The following CNTNAP2 variants were observed in gnomAD, a reference collection of about 807,000 sequenced individuals.
CNTNAP2 encodes the protein contactin-associated protein-like 2.
CNTNAP2 carries 98 observed loss-of-function variants against 155.2 expected under a neutral mutation model. The observed-to-expected ratio is 0.63, with a 90% CI of 0.54 to 0.75. The LOEUF (loss-of-function observed/expected upper bound fraction) is 0.75, where lower values mean the gene tolerates loss of function less well. Among genes scored for constraint, CNTNAP2 ranks in the 30% least tolerant of loss-of-function variants. CNTNAP2 has a pLI of 0.00. For missense variants in CNTNAP2, 1,727 were observed against 1,688.1 expected (o/e 1.02, Z -0.40); for synonymous variants, 651 against 631.2 (o/e 1.03, Z -0.47).
chr7:148,169,191 A>C (rs1805729490), intron 17 of CNTNAP2, among the ~76,000 whole-genome samples: 1 of 152,218 alleles, frequency 6.6e-6, no homozygotes, highest in Non-Finnish European at 1.5e-5. Flanking sequence ...AGAAAAGGGA[A>C]AACATTAAAA....
At chr7:147,931,044 C>A (rs200203862) in intron 14 of CNTNAP2, among the ~76,000 whole-genome samples, 1 of 151,598 alleles carries the variant, frequency 6.6e-6, no homozygotes, top group Non-Finnish European at 1.5e-5. Flanking sequence ...ACAGCAAAAG[C>A]AATTTTGAAA....
chr7:146,631,781 T>A (rs1799514508), intron 1 of CNTNAP2, among the ~76,000 whole-genome samples: 1 of 152,178 alleles, frequency 6.6e-6, no homozygotes, highest in African/African-American at 2.4e-5. Flanking sequence ...GGTATTTTTT[T>A]AAGAATCTCT....
intron 3 of CNTNAP2, among the ~76,000 whole-genome samples, chr7:147,037,190 A>C (rs1283518984): frequency 6.6e-6 from 1 of 152,144 alleles, no homozygotes; most frequent in Non-Finnish European, 1.5e-5. Context: ...TGAACACTAT[A>C]TTAGATGTAC....
In CNTNAP2 at chr7:146,842,539, T is replaced by A. The variant is rs144400884; in HGVS notation, c.402+2635T>A. Among the ~76,000 whole-genome samples, 192 of 151,306 alleles carry A rather than the reference T, an allele frequency of 1.3e-3. 1 individual carries two copies. The highest frequency in any genetic ancestry group is 2.4e-3 in the Admixed American group (37 of 15,240). ...ACTGGGTAATTTACGAAGAAAAGAG[T>A]TTTGATTGACTCACGTTTCCACAGG... is the stretch of plus-strand genomic sequence containing the variant. On this transcript the variant is annotated intron_variant, in intron 3 of 23. Transcript: ENST00000361727.
At chr7:146,552,775 C>G (rs1798141460) in intron 1 of CNTNAP2, among the ~76,000 whole-genome samples, 2 of 152,030 alleles carry the variant, frequency 1.3e-5, no homozygotes, top group South Asian at 2.1e-4. Context: ...CACATGGTCC[C>G]CTTGCTTTAT....
chr7:146,764,167 A>G (rs1370394135), intron 1 of CNTNAP2, among the ~76,000 whole-genome samples: 3 of 152,308 alleles, frequency 2.0e-5, no homozygotes, highest in South Asian at 4.1e-4. Context: ...TTGTCAATCA[A>G]AGCTTTAAGA....
At chr7:147,601,765 T>C (rs1215254533) in intron 12 of CNTNAP2, among the ~76,000 whole-genome samples, 1 of 151,610 alleles carries the variant, frequency 6.6e-6, no homozygotes, top group Non-Finnish European at 1.5e-5. Context: ...CTAATTGTCC[T>C]GTAATTTTTT....
chr7:148,201,645 A>G (rs989577360), intron 18 of CNTNAP2, among the ~76,000 whole-genome samples: 1 of 152,118 alleles, frequency 6.6e-6, no homozygotes, highest in African/African-American at 2.4e-5. Flanking sequence ...CCAGTTTTGT[A>G]TGCAACTAAA....
intron 14 of CNTNAP2, among the ~76,000 whole-genome samples, chr7:147,976,031 T>TA (rs397779989): frequency 6.6e-6 from 1 of 152,204 alleles, no homozygotes; most frequent in African/African-American, 2.4e-5. Context: ...TACATTTTTT[T>TA]AAATGGCTGT....
At chr7:146,600,391 T>G (rs893080503) in intron 1 of CNTNAP2, among the ~76,000 whole-genome samples, 1 of 152,182 alleles carries the variant, frequency 6.6e-6, no homozygotes, top group Non-Finnish European at 1.5e-5. Flanking sequence ...AAATAGTTAA[T>G]AATAAATACT....
At position 146,554,354 on chromosome 7, in the gene CNTNAP2, A is replaced by G. The variant is rs73164082; in HGVS notation, c.98-219917A>G. Among the ~76,000 whole-genome samples the G allele has an allele frequency of 5.3e-3, 810 of 152,308 alleles. 7 individuals carry two copies. The highest frequency in any genetic ancestry group is 0.02 in the East Asian group (101 of 5,174). ...AGATTGGGTTCATGTGGATTTCAAA[A>G]TAAGTTGTCTTAAAAATATTTTGCT... On this transcript the variant is annotated intron_variant, in intron 1 of 23. Coordinates refer to ENST00000361727, the MANE Select transcript of CNTNAP2 (RefSeq NM_014141.6).
intron 13 of CNTNAP2, among the ~76,000 whole-genome samples, chr7:147,814,544 T>C (rs946257876): frequency 6.6e-6 from 1 of 152,218 alleles, no homozygotes; most frequent in Admixed American, 6.5e-5. Flanking sequence ...CATTATTCAA[T>C]TAAAGAAAGT....
In CNTNAP2 at chr7:147,996,254, T is replaced by C. The variant is rs1226186184; in HGVS notation, c.2383+18265T>C. Among the ~76,000 whole-genome samples, 6 of 152,326 alleles carry C rather than the reference T, an allele frequency of 3.9e-5. No homozygotes were observed. In the East Asian group the frequency reaches 1.2e-3, roughly 29 times the overall value. On this transcript the variant is annotated intron_variant, in intron 15 of 23. Transcript: ENST00000361727. ...GCTTCTTATATGTACTGGCAAACCA[T>C]ATCATATTATTGAGTTTTCCCTAAA...
At chr7:148,113,637 G>A (rs1376782819) in intron 15 of CNTNAP2, among the ~76,000 whole-genome samples, 1 of 152,214 alleles carries the variant, frequency 6.6e-6, no homozygotes, top group Non-Finnish European at 1.5e-5. Flanking sequence ...TGATGATGGA[G>A]ACCAGCAAGC....
chr7:147,104,807 T>C (rs1800725972), intron 4 of CNTNAP2, among the ~76,000 whole-genome samples: 1 of 145,872 alleles, frequency 6.9e-6, no homozygotes. Flanking sequence ...TTTTGGACCA[T>C]GACTAACTGA....
intron 1 of CNTNAP2, among the ~76,000 whole-genome samples, chr7:146,301,183 A>G (rs572905985): frequency 6.6e-6 from 1 of 152,290 alleles, no homozygotes; most frequent in East Asian, 1.9e-4. Flanking sequence ...GGTAAATTTT[A>G]ATGACATTTC....
chr7:146,542,496 T>G (rs1429676365), intron 1 of CNTNAP2, among the ~76,000 whole-genome samples: 3 of 151,886 alleles, frequency 2.0e-5, no homozygotes, highest in African/African-American at 7.2e-5. Context: ...TAAATCCTCT[T>G]TATTTGAAAA....
intron 21 of CNTNAP2, among the ~76,000 whole-genome samples, chr7:148,346,070 C>T (rs1798321654): frequency 6.6e-6 from 1 of 152,118 alleles, no homozygotes; most frequent in Non-Finnish European, 1.5e-5. Context: ...CCCCTGAGCG[C>T]CAGTGTCACC....
At position 147,217,599 on chromosome 7, in the gene CNTNAP2, T is replaced by A. The variant is rs539129153; in HGVS notation, c.1349-82542T>A. Among the ~76,000 whole-genome samples the A allele has an allele frequency of 5.3e-5, 8 of 152,112 alleles. No homozygotes were observed. In the South Asian group the frequency reaches 8.3e-4, roughly 16 times the overall value. ...TTGTATCTATATTTATAGGAGGTAT[T>A]GGTCATAGTTTTCTTCTACTGTCTC... On this transcript the variant is annotated intron_variant, in intron 8 of 23. Coordinates refer to ENST00000361727, the MANE Select transcript of CNTNAP2 (RefSeq NM_014141.6).
Sources: gnomAD v4.1 joint callset for allele counts (sites outside exome capture counted in the v4.1 genomes callset) on GRCh38, gnomAD v4.1.1 for gene constraint, MANE v1.5 for transcripts, NCBI Gene and HGNC (gene_info 2026-07-23, HGNC 2026-07-21) for gene names.